CEP76: variants seen among roughly 807,000 people sequenced by gnomAD.
CEP76 encodes centrosomal protein 76.
Under a neutral mutation model 83.3 loss-of-function variants are expected in CEP76, and 55 were observed. That is an observed-to-expected ratio of 0.66 (90% CI 0.53 to 0.83). The LOEUF is 0.83. Among genes scored for constraint, CEP76 ranks in the 40% least tolerant of loss-of-function variants. CEP76 has a pLI of 0.00. For synonymous variants in CEP76, 270 were observed against 274.5 expected (o/e 0.98, Z 0.16); for missense variants, 694 against 799.5 (o/e 0.87, Z 1.59).
chr18:12,674,267 A>G (rs908138119), intron 11 of CEP76, among the ~76,000 whole-genome samples: 8 of 151,880 alleles, frequency 5.3e-5, no homozygotes, highest in Admixed American at 1.3e-4. Flanking sequence ...GAAGACCCCC[A>G]TCTCTACAAA....
chr18:12,675,562 CTT>C, intron 10 of CEP76, among the ~76,000 whole-genome samples: 1 of 152,066 alleles, frequency 6.6e-6, no homozygotes, highest in Non-Finnish European at 1.5e-5. Flanking sequence ...CTCTATAAAA[CTT>C]ATATACTGTA....
At position 12,700,941 on chromosome 18, in the gene CEP76, C is replaced by T. The variant is rs1242829099; in HGVS notation, c.219+17G>A. On this transcript the variant is annotated intron_variant, in intron 2 of 11. Coordinates refer to ENST00000262127, the MANE Select transcript of CEP76 (RefSeq NM_024899.4). The stretch of plus-strand genomic sequence containing the variant: ...ATACATATATACTCTCATTTATTTC[C>T]CTAAAAGATTACTCACAGTAACAAA... 2 of 1,600,356 alleles carry T rather than the reference C, an allele frequency of 1.2e-6. No homozygotes were observed. Among genetic ancestry groups the T allele is most frequent in the African/African-American group, 1.3e-5 (1 of 74,580 alleles).
At chr18:12,664,602 C>T (rs2038767717) in intron 12 of CEP76, among the ~76,000 whole-genome samples, 1 of 151,846 alleles carries the variant, frequency 6.6e-6, no homozygotes, top group African/African-American at 2.4e-5. Context: ...CCAAGCTGGT[C>T]TCAAATTCCT....
downstream of CEP76, chr18:12,670,650 GTTTTT>G (rs1344894992): frequency 6.9e-6 from 1 of 144,104 alleles, no homozygotes; most frequent in Admixed American, 7.2e-5. Context: ...CAAAAGAGTG[GTTTTT>G]TTTAACTTTT....
rs146808596 is a variant in CEP76, at chr18:12,686,399, C to T, written c.985G>A (p.Ala329Thr). 3.5e-4 allele frequency: 567 copies of T among 1,614,052 alleles called. No homozygotes were observed. Among genetic ancestry groups the T allele is most frequent in the Non-Finnish European group, 4.6e-4 (542 of 1,179,980 alleles). The change falls in exon 8 of 12, where the codon GCT becomes ACT. Residue 329 changes from alanine (A) to threonine (T), a missense_variant. Ala to Thr is a moderately conservative substitution (Grantham distance 58). Transcript: ENST00000262127. ...PVCSYVKPLRAGRLLDTPRQA... is the reference protein window; with the variant it reads ...PVCSYVKPLRTGRLLDTPRQA... ...CTTGGAGTATCAAGAAGCCGTCCAGCTCGAAGTGGTTTAACATAGGAACAG... is the reference window on the plus strand; with the variant it reads ...CTTGGAGTATCAAGAAGCCGTCCAGTTCGAAGTGGTTTAACATAGGAACAG...
chr18:12,664,822 C>CTG (rs1443056177), intron 12 of CEP76, among the ~76,000 whole-genome samples: 1 of 151,712 alleles, frequency 6.6e-6, no homozygotes. Flanking sequence ...CCTCAGCCTC[C>CTG]TGAGTAGCTA....
At chr18:12,690,806 G>A (rs2039727557) in intron 7 of CEP76, among the ~76,000 whole-genome samples, 1 of 152,062 alleles carries the variant, frequency 6.6e-6, no homozygotes, top group South Asian at 2.1e-4. Flanking sequence ...AATGGGTTTA[G>A]GACTCAGGAA....
chr18:12,689,419 C>T (rs936149435), intron 7 of CEP76, among the ~76,000 whole-genome samples: 1 of 152,170 alleles, frequency 6.6e-6, no homozygotes, highest in African/African-American at 2.4e-5. Context: ...GACTGAGTTG[C>T]TGTTTGGCCT....
At chr18:12,692,925 C>T (rs1043096523) in intron 6 of CEP76, among the ~76,000 whole-genome samples, 11 of 152,132 alleles carry the variant, frequency 7.2e-5, no homozygotes, top group Non-Finnish European at 1.3e-4. Flanking sequence ...TGGGCTTAAG[C>T]GATCCTCCCA....
At position 12,699,152 on chromosome 18, in the gene CEP76, T is replaced by C. The variant is rs1335445963; in HGVS notation, c.347A>G (p.Lys116Arg). The C allele has an allele frequency of 2.5e-6, 4 of 1,614,088 alleles. No individual in the cohort carries two copies. Among genetic ancestry groups the C allele is most frequent in the Non-Finnish European group, 3.4e-6 (4 of 1,180,002 alleles). Reference protein sequence around the residue: ...RYLYLQVLGGKAFLEHLQEPE... With the variant: ...RYLYLQVLGGRAFLEHLQEPE... ...TTCTTGCAGATGTTCCAAGAAAGCT[T>C]TTCCACCCAAAACCTGAAGGTAAAG... Residue 116 changes from lysine to arginine, a missense_variant, in exon 4 of 12, where the codon AAA (lysine) becomes AGA (arginine). Coordinates refer to ENST00000262127, the MANE Select transcript of CEP76 (RefSeq NM_024899.4).
downstream of CEP76, among the ~76,000 whole-genome samples, chr18:12,668,597 C>CAAAAAAAAAAG (rs2038855443): frequency 1.4e-5 from 1 of 72,836 alleles, no homozygotes; most frequent in Non-Finnish European, 2.4e-5. Flanking sequence ...GATTCCATCT[C>CAAAAAAAAAAG]AAAAAAAAAA....
chr18:12,702,379 C>T, intron 1 of CEP76, 107 bp downstream of exon 1: 1 of 833,336 alleles, frequency 1.2e-6, no homozygotes, highest in Non-Finnish European at 2.0e-6. Context: ...CCACAATCCT[C>T]GCTACAGTCC....
chr18:12,671,362 A>G (rs139099175), downstream of CEP76, among the ~76,000 whole-genome samples: 504 of 152,316 alleles, frequency 3.3e-3, 4 homozygotes, highest in African/African-American at 0.011. Flanking sequence ...CAACTGGTAT[A>G]GAGTTACTTT....
chr18:12,685,181 G>A (rs2039498186), intron 8 of CEP76: 1 of 151,940 alleles, frequency 6.6e-6, no homozygotes, highest in Admixed American at 6.6e-5. Flanking sequence ...TGTACTTTTA[G>A]TGGAGACGGA....
At chr18:12,675,231 C>T (rs1285958976) in intron 10 of CEP76, among the ~76,000 whole-genome samples, 1 of 151,980 alleles carries the variant, frequency 6.6e-6, no homozygotes, top group African/African-American at 2.4e-5. Context: ...CCTGTATCTA[C>T]TAAAAATACA....
downstream of CEP76, among the ~76,000 whole-genome samples, chr18:12,672,034 G>A (rs1374302866): frequency 1.3e-5 from 2 of 151,598 alleles, no homozygotes; most frequent in East Asian, 1.9e-4. Flanking sequence ...TGGCCAGGCT[G>A]GTCTTGAACC....
chr18:12,694,872 G>A (rs913209709), intron 6 of CEP76, among the ~76,000 whole-genome samples: 2 of 151,568 alleles, frequency 1.3e-5, no homozygotes, highest in African/African-American at 2.4e-5. Flanking sequence ...CACCACGCCC[G>A]GCTATTTTTT....
At chr18:12,679,135 G>A (rs2039253521) in intron 9 of CEP76, 1 of 151,738 alleles carries the variant, frequency 6.6e-6, no homozygotes, top group African/African-American at 2.4e-5. Context: ...CAAGATGAAG[G>A]AAAAACTAAG....
chr18:12,672,994 A>C lies in CEP76; in HGVS notation c.*371T>G, dbSNP rs1031146596. 4.0e-6 allele frequency: 4 copies of C among 992,500 alleles called. No individual in the cohort carries two copies. In the African/African-American group the frequency reaches 7.0e-5, roughly 17 times the overall value. 61.5% of individuals were successfully genotyped at this position (992,500 alleles called of 1,614,324 possible). On this transcript the variant is annotated 3_prime_UTR_variant, in exon 12 of 12. Transcript: ENST00000262127. ...TTAACCTGTGAAAAGTAATGATCATACTGATTTGTCTAGGGCTCAAACCCT... is the reference window on the plus strand; with the variant it reads ...TTAACCTGTGAAAAGTAATGATCATCCTGATTTGTCTAGGGCTCAAACCCT...
Sources: allele counts gnomAD v4.1 joint callset (sites outside exome capture counted in the v4.1 genomes callset), GRCh38; gene constraint gnomAD v4.1.1; transcripts MANE v1.5; gene names NCBI Gene and HGNC (gene_info 2026-07-23, HGNC 2026-07-21).